TFAP2D: variants seen among roughly 807,000 people sequenced by gnomAD.
TFAP2D encodes transcription factor AP-2-delta.
TFAP2D carries 9 observed loss-of-function variants against 43.6 expected under a neutral mutation model. That is an observed-to-expected ratio of 0.21 (90% CI 0.12 to 0.36). The LOEUF (loss-of-function observed/expected upper bound fraction) is 0.36, where lower values mean the gene tolerates loss of function less well. TFAP2D is among the 10% of genes least tolerant of loss of function. The pLI is 1.00. For synonymous variants in TFAP2D, 256 were observed against 224.9 expected, an observed-to-expected ratio of 1.14 and a Z score of -1.24; for missense variants, 513 against 561.4, an observed-to-expected ratio of 0.91 and a Z score of 0.87.
intron 7 of TFAP2D, among the ~76,000 whole-genome samples, chr6:50,770,361 G>C (rs1327384097): frequency 1.3e-5 from 2 of 152,200 alleles, no homozygotes; most frequent in Non-Finnish European, 2.9e-5. Flanking sequence ...CTTTGGTGCA[G>C]ATAATTGCCC....
chr6:50,736,166 A>G (rs1384676671), intron 5 of TFAP2D, among the ~76,000 whole-genome samples: 1 of 152,104 alleles, frequency 6.6e-6, no homozygotes, highest in Non-Finnish European at 1.5e-5. Flanking sequence ...CACCTTTGGG[A>G]GAAAGGTTTT....
At position 50,772,875 on chromosome 6, in the gene TFAP2D, CAG is replaced by C; in HGVS notation, c.*13_*14del. ...GAAAAGACAGACTAGCTACATCAAA[CAG>C]AATCTATTTCCAGAGAGTCTTGCTG... is the stretch of plus-strand genomic sequence containing the variant. On this transcript the variant is annotated 3_prime_UTR_variant, in exon 8 of 8. Coordinates refer to ENST00000008391, the MANE Select transcript of TFAP2D (RefSeq NM_172238.4). 1 of 1,604,152 alleles carries C rather than the reference CAG, an allele frequency of 6.2e-7. No individual in the cohort carries two copies. The highest frequency in any genetic ancestry group is 8.5e-7 in the Non-Finnish European group (1 of 1,174,804).
chr6:50,751,035 A>C (rs1769193650), intron 6 of TFAP2D, among the ~76,000 whole-genome samples, 176 bp from the exon 7 acceptor site: 1 of 152,022 alleles, frequency 6.6e-6, no homozygotes, highest in Non-Finnish European at 1.5e-5. Flanking sequence ...CGTTGAGAGC[A>C]AAGTCACCAT....
intron 5 of TFAP2D, among the ~76,000 whole-genome samples, chr6:50,739,648 T>C (rs1769010077): frequency 6.6e-6 from 1 of 152,110 alleles, no homozygotes. Flanking sequence ...TTTTCATAGG[T>C]TTTTCTGTAT....
intron 7 of TFAP2D, among the ~76,000 whole-genome samples, chr6:50,772,259 G>A (rs991535519): frequency 2.0e-5 from 3 of 151,984 alleles, no homozygotes; most frequent in Admixed American, 1.3e-4. Context: ...GCGGAGGGGG[G>A]AGGGATAGCA....
At chr6:50,714,841 G>T (rs1298225604) in intron 1 of TFAP2D, among the ~76,000 whole-genome samples, 1 of 152,090 alleles carries the variant, frequency 6.6e-6, no homozygotes, top group African/African-American at 2.4e-5. Flanking sequence ...GTGCGTGTGT[G>T]TGCGTGTGTG....
At chr6:50,736,834 G>T (rs1480058289) in intron 5 of TFAP2D, among the ~76,000 whole-genome samples, 1 of 152,096 alleles carries the variant, frequency 6.6e-6, no homozygotes, top group East Asian at 1.9e-4. Context: ...CTTTGATCTA[G>T]CTCATTATTC....
At chr6:50,715,042 G>A in intron 1 of TFAP2D, 74 bp from the exon 2 acceptor site, 1 of 1,549,752 alleles carries the variant, frequency 6.5e-7, no homozygotes, top group Non-Finnish European at 8.7e-7. Context: ...CTGGCTCCGG[G>A]AGAGCGGCGC....
rs1247943966 is a variant in TFAP2D, at chr6:50,757,491, AAT to A, written c.1139+6175_1139+6176del. Among the ~76,000 whole-genome samples the A allele has an allele frequency of 3.1e-5, 3 of 96,280 alleles. 1 individual carries two copies. Among genetic ancestry groups the A allele is most frequent in the African/African-American group, 8.4e-5 (2 of 23,868 alleles). The allele number at this position is 96,280 out of a possible 152,430, so 63.2% of individuals were successfully genotyped here. On this transcript the variant is annotated intron_variant, in intron 7 of 7. Coordinates refer to ENST00000008391, the MANE Select transcript of TFAP2D (RefSeq NM_172238.4). ...ATATATAATTATTCTATATATATAT[AAT>A]ATATATAATTATTCTATATATAGAA...
chr6:50,722,697 A>G (rs1005683251), intron 3 of TFAP2D, among the ~76,000 whole-genome samples: 5 of 151,714 alleles, frequency 3.3e-5, no homozygotes, highest in Non-Finnish European at 2.9e-5. Context: ...ACAAGTGGGT[A>G]GTGGGCTGTG....
chr6:50,730,813 G>C (rs147611080), intron 5 of TFAP2D, among the ~76,000 whole-genome samples: 32 of 152,146 alleles, frequency 2.1e-4, no homozygotes, highest in African/African-American at 7.7e-4. Context: ...AGCTCCCCAG[G>C]TGATTCTGAT....
At chr6:50,728,802 G>A (rs752761627) in intron 3 of TFAP2D, 54 bp from the exon 4 acceptor site, 82 of 1,566,330 alleles carry the variant, frequency 5.2e-5, no homozygotes, top group Middle Eastern at 3.7e-4. Flanking sequence ...TGCCTCTCAT[G>A]CAGTTAGCTT....
At chr6:50,719,219 C>A (rs1423634873) in intron 3 of TFAP2D, 69 bp downstream of exon 3, 2 of 1,503,072 alleles carry the variant, frequency 1.3e-6, no homozygotes, top group Admixed American at 3.6e-5. Flanking sequence ...TTTAGAAGAT[C>A]TGGTTGTGCT....
intron 5 of TFAP2D, among the ~76,000 whole-genome samples, chr6:50,737,641 C>T (rs1581766219): frequency 6.6e-6 from 1 of 151,956 alleles, no homozygotes; most frequent in African/African-American, 2.4e-5. Flanking sequence ...CTCTTTTATT[C>T]ATTTTTAAAA....
chr6:50,715,668 G>T, intron 2 of TFAP2D, 55 bp downstream of exon 2: 1 of 1,521,896 alleles, frequency 6.6e-7, no homozygotes, highest in Non-Finnish European at 8.8e-7. Context: ...CCCTCCCCCT[G>T]CCGCCCCATT....
chr6:50,765,944 C>A (rs886486617), intron 7 of TFAP2D, among the ~76,000 whole-genome samples: 1 of 152,166 alleles, frequency 6.6e-6, no homozygotes, highest in South Asian at 2.1e-4. Flanking sequence ...AAGCCAAGAC[C>A]AATGCCAAAA....
chr6:50,746,907 A>G (rs936408740), intron 6 of TFAP2D, among the ~76,000 whole-genome samples: 7 of 152,148 alleles, frequency 4.6e-5, no homozygotes, highest in African/African-American at 1.7e-4. Flanking sequence ...AGAGAAGAAA[A>G]GCAAAAGTTG....
chr6:50,743,638 G>A (rs1427335148), intron 5 of TFAP2D, among the ~76,000 whole-genome samples: 1 of 152,138 alleles, frequency 6.6e-6, no homozygotes. Flanking sequence ...TCCCGCTTCT[G>A]CCTCCCAAAG....
chr6:50,757,636 ATAATTATTC>A, intron 7 of TFAP2D, among the ~76,000 whole-genome samples: 1 of 73,150 alleles, frequency 1.4e-5, no homozygotes, highest in African/African-American at 5.6e-5. Context: ...TAGAATATAT[ATAATTATTC>A]TATATATATA....
Sources: allele counts gnomAD v4.1 joint callset (sites outside exome capture counted in the v4.1 genomes callset), GRCh38; gene constraint gnomAD v4.1.1; transcripts MANE v1.5; gene names NCBI Gene and HGNC (gene_info 2026-07-23, HGNC 2026-07-21).